Variants in SCD5 observed in about 807,000 individuals in gnomAD.
The protein encoded by SCD5 is stearoyl-CoA desaturase 5.
Under a neutral mutation model 30.4 loss-of-function variants are expected in SCD5, and 20 were observed. The ratio of observed to expected loss-of-function variants is 0.66; its 90% CI spans 0.46 to 0.96. SCD5 has a LOEUF of 0.96. Among genes scored for constraint, SCD5 ranks in the 40% least tolerant of loss-of-function variants. The pLI is 0.00. For synonymous variants in SCD5, 173 were observed against 176.4 expected (o/e 0.98, Z 0.16); for missense variants, 381 against 443.3 (o/e 0.86, Z 1.26).
chr4:82,665,007 A>C lies in SCD5; in HGVS notation c.569+15700T>G, dbSNP rs1207889483. 1.3e-3 allele frequency among the ~76,000 whole-genome samples: 146 copies of C among 115,938 alleles called. 2 individuals carry two copies. Among genetic ancestry groups the C allele is most frequent in the African/African-American group, 4.1e-3 (106 of 26,096 alleles). The allele number at this position is 115,938 out of a possible 152,430, so 76.1% of individuals were successfully genotyped here. The stretch of plus-strand genomic sequence containing the variant: ...TCTCTCTCTCTCTCTCTCTATATAT[A>C]TATATATATATATGTATAATACACA... On this transcript the variant is annotated intron_variant, in intron 3 of 4. Transcript: ENST00000319540.
chr4:82,679,222 A>AGAG (rs10632813), intron 3 of SCD5, among the ~76,000 whole-genome samples: 53,545 of 90,334 alleles, frequency 0.59, 17,140 homozygotes, highest in Non-Finnish European at 0.62. Context: ...AAAGAAAGAA[A>AGAG]AGAAAGAAAG....
At chr4:82,788,844 C>T (rs1304915997) in intron 1 of SCD5, among the ~76,000 whole-genome samples, 1 of 152,190 alleles carries the variant, frequency 6.6e-6, no homozygotes, top group Non-Finnish European at 1.5e-5. Flanking sequence ...ACTCTGGCGG[C>T]CACCTTGTAA....
chr4:82,786,081 T>A (rs933387035), intron 1 of SCD5, among the ~76,000 whole-genome samples: 3 of 152,186 alleles, frequency 2.0e-5, no homozygotes, highest in African/African-American at 7.2e-5. Flanking sequence ...AGTAAGAATA[T>A]TTTCCATTAT....
At chr4:82,722,660 G>A (rs1013113983) in intron 1 of SCD5, among the ~76,000 whole-genome samples, 7 of 106,470 alleles carry the variant, frequency 6.6e-5, no homozygotes, top group Non-Finnish European at 1.1e-4. Context: ...CAGCTACTGA[G>A]GAGCTGAGGC....
intron 3 of SCD5, among the ~76,000 whole-genome samples, chr4:82,649,180 GGTGTGTGTGTGTGTGT>G (rs55991339): frequency 6.9e-6 from 1 of 144,008 alleles, no homozygotes; most frequent in Non-Finnish European, 1.5e-5. Context: ...GGGTGAGAGG[GGTGTGTGTGTGTGTGT>G]GTGTGTGTGT....
chr4:82,668,350 G>A (rs910257468), intron 3 of SCD5, among the ~76,000 whole-genome samples: 3 of 152,178 alleles, frequency 2.0e-5, no homozygotes, highest in Admixed American at 1.3e-4. Flanking sequence ...TGTCTGTAGA[G>A]AGAGGGGCCC....
chr4:82,760,555 G>A (rs796479591), intron 1 of SCD5, among the ~76,000 whole-genome samples: 12 of 151,988 alleles, frequency 7.9e-5, no homozygotes, highest in Admixed American at 2.0e-4. Flanking sequence ...CACCACATCC[G>A]GCTAATTTTT....
Position 82,670,756 on chromosome 4 carries a change from A to G in SCD5, c.569+9951T>C, listed in dbSNP as rs181876851. On this transcript the variant is annotated intron_variant, in intron 3 of 4. Transcript: ENST00000319540. ...AAATATCAATTCCATGTCAATTGAT[A>G]TGGCAAATATCAATTCCATATCAAT... Among the ~76,000 whole-genome samples, 20 of 152,100 alleles carry G rather than the reference A, an allele frequency of 1.3e-4. 1 individual carries two copies. The East Asian group carries it at 3.7e-3, about 28-fold the overall frequency.
intron 1 of SCD5, among the ~76,000 whole-genome samples, chr4:82,763,595 A>G (rs1721423944): frequency 2.0e-5 from 3 of 152,128 alleles, no homozygotes; most frequent in African/African-American, 7.2e-5. Context: ...AAATGTGGAC[A>G]CCCAGAGAAA....
chr4:82,747,069 G>GCACCC (rs764855858), intron 1 of SCD5, among the ~76,000 whole-genome samples: 2 of 139,698 alleles, frequency 1.4e-5, no homozygotes, highest in South Asian at 2.5e-4. Flanking sequence ...TGGGCAACCT[G>GCACCC]CCCCCCAAGA....
Position 82,631,087 on chromosome 4 carries a change from GGTGACAGA to G in SCD5, c.*232_*239del. 2.8e-6 allele frequency: 1 copy of G among 360,326 alleles called. No individual in the cohort carries two copies. Among genetic ancestry groups the G allele is most frequent in the South Asian group, 4.8e-5 (1 of 21,024 alleles). 22.3% of individuals were successfully genotyped at this position (360,326 alleles called of 1,614,324 possible). ...GACTGCGCCACTGCACTCCAGCCTG[GGTGACAGA>G]GTGAGACTCTGTCTCAAAAACAAAA... is the stretch of plus-strand genomic sequence containing the variant. On this transcript the variant is annotated 3_prime_UTR_variant, in exon 5 of 5. Coordinates refer to ENST00000319540, the MANE Select transcript of SCD5 (RefSeq NM_001037582.3).
At chr4:82,744,274 C>T (rs1201353600) in intron 1 of SCD5, among the ~76,000 whole-genome samples, 3 of 152,152 alleles carry the variant, frequency 2.0e-5, no homozygotes, top group Non-Finnish European at 2.9e-5. Context: ...CAGACGGTTA[C>T]CCATATTTCT....
intron 1 of SCD5, among the ~76,000 whole-genome samples, chr4:82,743,659 C>G (rs1210871867): frequency 6.6e-6 from 1 of 151,908 alleles, no homozygotes; most frequent in Non-Finnish European, 1.5e-5. Flanking sequence ...GTAGCTGGGA[C>G]TACAGGCACG....
At chr4:82,781,445 C>T (rs1721871275) in intron 1 of SCD5, among the ~76,000 whole-genome samples, 1 of 151,628 alleles carries the variant, frequency 6.6e-6, no homozygotes, top group Non-Finnish European at 1.5e-5. Context: ...GAAAAAAGGA[C>T]TTGGAAAGTA....
At chr4:82,686,890 G>C (rs1203203281) in intron 2 of SCD5, among the ~76,000 whole-genome samples, 1 of 152,064 alleles carries the variant, frequency 6.6e-6, no homozygotes, top group African/African-American at 2.4e-5. Context: ...GTACTTCTTC[G>C]CCGGGCAGGG....
intron 3 of SCD5, among the ~76,000 whole-genome samples, chr4:82,659,316 G>A (rs1043023493): frequency 3.3e-5 from 5 of 151,882 alleles, no homozygotes; most frequent in African/African-American, 9.7e-5. Flanking sequence ...AGGGTTTTTC[G>A]TGTCTCTATC....
chr4:82,682,633 A>G (rs1344067981), intron 2 of SCD5, among the ~76,000 whole-genome samples: 4 of 152,100 alleles, frequency 2.6e-5, no homozygotes, highest in Non-Finnish European at 4.4e-5. Context: ...TCTGATGAGA[A>G]GGGAAGAAAT....
At chr4:82,648,205 T>C (rs1727670530) in intron 3 of SCD5, among the ~76,000 whole-genome samples, 1 of 152,090 alleles carries the variant, frequency 6.6e-6, no homozygotes, top group Non-Finnish European at 1.5e-5. Flanking sequence ...CTCTGGGAGA[T>C]GTTTGGGGGA....
intron 1 of SCD5, among the ~76,000 whole-genome samples, chr4:82,797,263 G>A (rs570102725): frequency 6.6e-6 from 1 of 152,326 alleles, no homozygotes; most frequent in Admixed American, 6.5e-5. Flanking sequence ...CGCCCCTAGA[G>A]ATCAGGGAAA....
Sources: gnomAD v4.1 joint callset for allele counts (sites outside exome capture counted in the v4.1 genomes callset) on GRCh38, gnomAD v4.1.1 for gene constraint, MANE v1.5 for transcripts, NCBI Gene and HGNC (gene_info 2026-07-23, HGNC 2026-07-21) for gene names.